The following DYM variants were observed in gnomAD, a reference collection of about 807,000 sequenced individuals.
The protein encoded by DYM is dyggve-Melchior-Clausen syndrome protein.
A neutral mutation model predicts 93.1 loss-of-function variants in DYM; 78 were observed. That is an observed-to-expected ratio of 0.84 (90% CI 0.70 to 1.01). The LOEUF (loss-of-function observed/expected upper bound fraction) is 1.01, where lower values mean the gene tolerates loss of function less well. Among genes scored for constraint, DYM ranks in the 50% least tolerant of loss-of-function variants. The probability of loss-of-function intolerance (pLI) is 0.00; values close to 1 mark genes in which losing one functional copy is unlikely to be tolerated. For missense variants in DYM, 789 were observed against 845.0 expected (o/e 0.93, Z 0.82); for synonymous variants, 321 against 319.7 (o/e 1.00, Z -0.04).
In DYM at chr18:49,352,674, T is replaced by C. The variant is rs191559927; in HGVS notation, c.494+10487A>G. Reference sequence around the variant, plus strand: ...AATAGAAAAGATGAATTTTGCTAAATGTAAATTATACATCAATAAACCTAA... The same window carrying C: ...AATAGAAAAGATGAATTTTGCTAAACGTAAATTATACATCAATAAACCTAA... On this transcript the variant is annotated intron_variant, in intron 6 of 17. Coordinates refer to ENST00000675505, the MANE Select transcript of DYM (RefSeq NM_001353214.3). Among the ~76,000 whole-genome samples the C allele has an allele frequency of 5.5e-4, 84 of 152,340 alleles. 1 individual carries two copies. The highest frequency in any genetic ancestry group is 3.9e-3 in the Admixed American group (60 of 15,298).
At chr18:49,148,929 T>C (rs1044961178) in intron 15 of DYM, among the ~76,000 whole-genome samples, 1 of 152,218 alleles carries the variant, frequency 6.6e-6, no homozygotes, top group African/African-American at 2.4e-5. Context: ...ACATTTATTG[T>C]GCACTTTATT....
chr18:49,241,810 T>A (rs1028461138), intron 13 of DYM, among the ~76,000 whole-genome samples: 2 of 152,250 alleles, frequency 1.3e-5, no homozygotes, highest in African/African-American at 4.8e-5. Context: ...TTTCATTATA[T>A]AATTCTCTTC....
intron 14 of DYM, among the ~76,000 whole-genome samples, chr18:49,167,031 TGTGCGC>T (rs1181445487): frequency 7.6e-6 from 1 of 130,788 alleles, no homozygotes; most frequent in Admixed American, 7.6e-5. Flanking sequence ...TGTGTGTGTG[TGTGCGC>T]GCCTGTGTCC....
At chr18:49,404,342 T>A (rs960159330) in intron 2 of DYM, among the ~76,000 whole-genome samples, 2 of 152,218 alleles carry the variant, frequency 1.3e-5, no homozygotes, top group African/African-American at 4.8e-5. Context: ...TAGGTTGATG[T>A]GATGTCTTTG....
intron 11 of DYM, among the ~76,000 whole-genome samples, chr18:49,262,273 T>C (rs1170659486): frequency 6.6e-6 from 1 of 151,864 alleles, no homozygotes; most frequent in Admixed American, 6.6e-5. Context: ...CACCAGAAGC[T>C]AGGATGACAC....
chr18:49,059,118 A>T (rs147169785), intron 17 of DYM, among the ~76,000 whole-genome samples: 392 of 152,308 alleles, frequency 2.6e-3, no homozygotes, highest in African/African-American at 8.9e-3. Context: ...TTCAAGATAA[A>T]ACTTCTGATT....
chr18:49,242,856 C>T (rs1049004459), intron 13 of DYM, among the ~76,000 whole-genome samples: 3 of 152,116 alleles, frequency 2.0e-5, no homozygotes, highest in African/African-American at 7.2e-5. Context: ...CCCGCCACCA[C>T]GCCCGGCTAA....
chr18:49,257,625 C>G (rs991776959), intron 12 of DYM, among the ~76,000 whole-genome samples: 19 of 150,138 alleles, frequency 1.3e-4, no homozygotes, highest in Admixed American at 1.2e-3. Context: ...CACTTCAGGA[C>G]AAGAGTTCAA....
intron 17 of DYM, among the ~76,000 whole-genome samples, chr18:49,094,593 G>A (rs976108024): frequency 3.9e-5 from 6 of 152,150 alleles, no homozygotes; most frequent in African/African-American, 1.4e-4. Context: ...GAACAGCCAA[G>A]TTGTTTAACT....
intron 7 of DYM, 107 bp from the exon 8 acceptor site, chr18:49,332,113 A>T: frequency 1.7e-6 from 2 of 1,164,178 alleles, no homozygotes; most frequent in Non-Finnish European, 2.5e-6. Flanking sequence ...TTAATACAAA[A>T]GGGCTATTGG....
rs182557061 is a variant in DYM, at chr18:49,050,128, C to A, written c.2026-5924G>T. Among the ~76,000 whole-genome samples the A allele has an allele frequency of 3.2e-4, 47 of 148,756 alleles. No homozygotes were observed. In the East Asian group the frequency reaches 4.9e-3, roughly 16 times the overall value. On this transcript the variant is annotated intron_variant, in intron 17 of 17. Transcript: ENST00000675505. Reference sequence around the variant, plus strand: ...TAAGATGGAGTTTCACTCTTGTTGCCCAGGCTGGAGTGCAATGGCGCGATC... The same window carrying A: ...TAAGATGGAGTTTCACTCTTGTTGCACAGGCTGGAGTGCAATGGCGCGATC...
chr18:49,314,022 C>T (rs898980050), intron 8 of DYM, among the ~76,000 whole-genome samples: 20 of 152,098 alleles, frequency 1.3e-4, no homozygotes, highest in Non-Finnish European at 2.9e-5. Flanking sequence ...TTTTGGGAGG[C>T]CAAGGCATGC....
At chr18:49,364,235 A>G (rs2066304683) in intron 5 of DYM, among the ~76,000 whole-genome samples, 1 of 152,204 alleles carries the variant, frequency 6.6e-6, no homozygotes, top group Non-Finnish European at 1.5e-5. Flanking sequence ...ACCTGAGGTC[A>G]GGAGTTCGAG....
chr18:49,454,825 G>A (rs553679563), intron 1 of DYM, among the ~76,000 whole-genome samples: 10 of 149,352 alleles, frequency 6.7e-5, no homozygotes, highest in Non-Finnish European at 7.4e-5. Flanking sequence ...GGAGAATGGC[G>A]TAGACCCAGG....
At chr18:49,055,916 A>G (rs16950294) in intron 17 of DYM, among the ~76,000 whole-genome samples, 15,722 of 152,170 alleles carry the variant, frequency 0.1, 1,090 homozygotes, top group East Asian at 0.26. Context: ...CAAAAGATGA[A>G]CAAGCAACCA....
intron 13 of DYM, among the ~76,000 whole-genome samples, chr18:49,247,001 C>A (rs1462848425): frequency 6.6e-6 from 1 of 152,202 alleles, no homozygotes; most frequent in Non-Finnish European, 1.5e-5. Context: ...CAGCCTTGTG[C>A]TCCGGGCTAT....
chr18:49,135,360 A>G (rs1640447079), intron 15 of DYM, among the ~76,000 whole-genome samples: 1 of 152,194 alleles, frequency 6.6e-6, no homozygotes, highest in Admixed American at 6.5e-5. Context: ...CTGTGGCACA[A>G]GAGTTAACAG....
At chr18:49,365,365 A>G (rs2066426685) in intron 5 of DYM, among the ~76,000 whole-genome samples, 1 of 152,170 alleles carries the variant, frequency 6.6e-6, no homozygotes, top group Admixed American at 6.5e-5. Flanking sequence ...AAGTTCAACA[A>G]CCAAATTAAA....
intron 8 of DYM, among the ~76,000 whole-genome samples, chr18:49,290,982 C>T (rs770917163): frequency 1.1e-4 from 17 of 152,130 alleles, no homozygotes; most frequent in Non-Finnish European, 2.2e-4. Context: ...TAGGACAAAG[C>T]CCTGTAATTT....
Sources: gnomAD v4.1 joint callset for allele counts (sites outside exome capture counted in the v4.1 genomes callset) on GRCh38, gnomAD v4.1.1 for gene constraint, MANE v1.5 for transcripts, NCBI Gene and HGNC (gene_info 2026-07-23, HGNC 2026-07-21) for gene names.